Variants in KIF16B observed in about 807,000 individuals in gnomAD.
KIF16B encodes kinesin family member 16B.
In KIF16B, 98 loss-of-function variants were observed where a neutral mutation model predicts 156.3. The ratio of observed to expected loss-of-function variants is 0.63; its 90% confidence interval spans 0.53 to 0.74. The LOEUF is 0.74. Ranked by LOEUF, KIF16B falls within the 30% of genes least tolerant of loss-of-function variation. The probability of loss-of-function intolerance (pLI) is 0.00; values close to 1 mark genes in which losing one functional copy is unlikely to be tolerated. For synonymous variants in KIF16B, 564 were observed against 583.7 expected, an observed-to-expected ratio of 0.97 and a Z score of 0.49; for missense variants, 1,421 against 1,606.5, an observed-to-expected ratio of 0.88 and a Z score of 1.97.
intron 17 of KIF16B, among the ~76,000 whole-genome samples, chr20:16,391,182 G>A (rs777961617): frequency 6.6e-6 from 1 of 152,140 alleles, no homozygotes; most frequent in Non-Finnish European, 1.5e-5. Flanking sequence ...GCTGGCTACT[G>A]CTCTGATTAA....
chr20:16,428,871 A>T, intron 14 of KIF16B, 82 bp downstream of exon 14: 1 of 1,096,248 alleles, frequency 9.1e-7, no homozygotes, highest in Non-Finnish European at 1.4e-6. Context: ...TAATTACTTC[A>T]ATGTCAGTCA....
chr20:16,409,234 TA>T (rs372759910), intron 15 of KIF16B, among the ~76,000 whole-genome samples: 23 of 151,960 alleles, frequency 1.5e-4, no homozygotes, highest in African/African-American at 5.3e-4. Context: ...GTGTCTTGCA[TA>T]AAAGCAATAA....
chr20:16,498,597 C>T (rs2068521813), intron 10 of KIF16B, among the ~76,000 whole-genome samples: 1 of 152,124 alleles, frequency 6.6e-6, no homozygotes, highest in South Asian at 2.1e-4. Context: ...AAAACTGCTT[C>T]ACTCTTTTTA....
chr20:16,437,199 C>T (rs2066663635), intron 12 of KIF16B, among the ~76,000 whole-genome samples: 1 of 152,200 alleles, frequency 6.6e-6, no homozygotes. Flanking sequence ...ACATATCATA[C>T]ATATCAGCAA....
At chr20:16,398,964 C>T (rs1366026763) in intron 17 of KIF16B, among the ~76,000 whole-genome samples, 2 of 152,140 alleles carry the variant, frequency 1.3e-5, no homozygotes, top group African/African-American at 2.4e-5. Context: ...TTAATAGACA[C>T]CTGCTTTGTA....
chr20:16,383,443 TGTTA>T (rs2065153645), intron 17 of KIF16B, among the ~76,000 whole-genome samples: 1 of 152,188 alleles, frequency 6.6e-6, no homozygotes, highest in Non-Finnish European at 1.5e-5. Context: ...CATTGAAACC[TGTTA>T]GATAGCAATA....
At chr20:16,284,921 C>T (rs1042082331) in intron 25 of KIF16B, among the ~76,000 whole-genome samples, 4 of 152,208 alleles carry the variant, frequency 2.6e-5, no homozygotes, top group African/African-American at 9.6e-5. Flanking sequence ...CGCCCTCCCA[C>T]CTCCCGCACT....
At chr20:16,509,134 T>C (rs1218241299) in intron 6 of KIF16B, among the ~76,000 whole-genome samples, 1 of 152,224 alleles carries the variant, frequency 6.6e-6, no homozygotes, top group Non-Finnish European at 1.5e-5. Context: ...AATGGATTAA[T>C]ACATTAAAGA....
intron 8 of KIF16B, 54 bp from the exon 9 acceptor site, chr20:16,505,907 C>T (rs1555789634): frequency 6.2e-7 from 1 of 1,605,238 alleles, no homozygotes; most frequent in Non-Finnish European, 8.5e-7. Flanking sequence ...AATTTTTTTT[C>T]CTCTACTTTT....
chr20:16,417,311 C>T (rs771421064), intron 15 of KIF16B, among the ~76,000 whole-genome samples: 17 of 152,126 alleles, frequency 1.1e-4, no homozygotes, highest in African/African-American at 2.2e-4. Context: ...GCCTGGCCAA[C>T]GGGTAGTACA....
At chr20:16,473,814 T>G (rs2067731541) in intron 12 of KIF16B, among the ~76,000 whole-genome samples, 1 of 152,154 alleles carries the variant, frequency 6.6e-6, no homozygotes, top group South Asian at 2.1e-4. Flanking sequence ...ACTTAGACAC[T>G]TCAAAAGAAA....
chr20:16,351,939 G>T (rs932681182), intron 23 of KIF16B, among the ~76,000 whole-genome samples: 5 of 152,188 alleles, frequency 3.3e-5, no homozygotes, highest in African/African-American at 9.7e-5. Context: ...TTAATATAAA[G>T]AAACAAATTA....
intron 17 of KIF16B, among the ~76,000 whole-genome samples, chr20:16,388,746 A>G (rs2065285938): frequency 6.6e-6 from 1 of 151,594 alleles, no homozygotes. Context: ...TAAAAAAATG[A>G]GGGGGTGGGA....
In KIF16B at chr20:16,507,975, T is replaced by C. The variant is rs766899784; in HGVS notation, c.682A>G (p.Thr228Ala). ...GCCCTTACCTGAGTGAACTTGATGG[T>C]GAAGATGGCATGAGACCTGCTACTG... ...DVSSRSHAIF[T>A]IKFTQAKFDS... The change falls in exon 7 of 26, where the codon ACC becomes GCC. Residue 228 changes from threonine to alanine, a missense_variant. Transcript: ENST00000354981. 3 of 1,613,994 alleles carry C rather than the reference T, an allele frequency of 1.9e-6. No homozygotes were observed. The highest frequency in any genetic ancestry group is 2.7e-5 in the African/African-American group (2 of 74,910).
chr20:16,366,976 T>A, intron 22 of KIF16B: 1 of 1,293,196 alleles, frequency 7.7e-7, no homozygotes, highest in Non-Finnish European at 9.8e-7. Context: ...TGTTTTTATT[T>A]TATTGTAGAT....
At chr20:16,536,527 T>G (rs1402757198) in intron 1 of KIF16B, among the ~76,000 whole-genome samples, 1 of 152,174 alleles carries the variant, frequency 6.6e-6, no homozygotes, top group East Asian at 1.9e-4. Flanking sequence ...GATACTCCAG[T>G]GATGGATATC....
chr20:16,369,131 C>T (rs765489983), intron 22 of KIF16B: 44 of 985,706 alleles, frequency 4.5e-5, no homozygotes, highest in Non-Finnish European at 3.7e-5. Flanking sequence ...GGGCCTGAGA[C>T]GCTCCACAGC....
chr20:16,420,579 T>C (rs746333883), intron 15 of KIF16B, among the ~76,000 whole-genome samples: 1 of 152,140 alleles, frequency 6.6e-6, no homozygotes, highest in Non-Finnish European at 1.5e-5. Context: ...ATCCAGTCAA[T>C]TGTGGAGTTA....
At chr20:16,401,676 G>C (rs1007204664) in intron 17 of KIF16B, among the ~76,000 whole-genome samples, 1 of 152,146 alleles carries the variant, frequency 6.6e-6, no homozygotes, top group Non-Finnish European at 1.5e-5. Flanking sequence ...TCGACTGCTA[G>C]CCCAGGCCTG....
Sources: allele counts gnomAD v4.1 joint callset (sites outside exome capture counted in the v4.1 genomes callset), GRCh38; gene constraint gnomAD v4.1.1; transcripts MANE v1.5; gene names NCBI Gene and HGNC (gene_info 2026-07-23, HGNC 2026-07-21).